KIF27: variants seen among roughly 807,000 people sequenced by gnomAD.
The protein encoded by KIF27 is kinesin-like protein KIF27.
A neutral mutation model predicts 141.8 loss-of-function variants in KIF27; 84 were observed. The observed-to-expected ratio is 0.59, with a 90% CI of 0.50 to 0.71. The LOEUF is 0.71. KIF27 is among the 30% of genes least tolerant of loss of function. KIF27 has a pLI of 0.00. For missense variants in KIF27, 1,306 were observed against 1,628.4 expected (o/e 0.80, Z 3.41); for synonymous variants, 471 against 569.5 (o/e 0.83, Z 2.46).
rs185699822 is a variant in KIF27 at position 83,836,387 on chromosome 9, T to A, written c.*614A>T. Reference sequence around the variant, plus strand: ...TTATATTGCATAATATTAGCAAACATAAAAGATAGCATTATAAATTTTTAA... The same window carrying A: ...TTATATTGCATAATATTAGCAAACAAAAAAGATAGCATTATAAATTTTTAA... On this transcript the variant is annotated 3_prime_UTR_variant, in exon 18 of 18. Transcript: ENST00000297814. Among the ~76,000 whole-genome samples the A allele has an allele frequency of 1.3e-5, 2 of 151,832 alleles. No homozygotes were observed. Among genetic ancestry groups the A allele is most frequent in the Non-Finnish European group, 2.9e-5 (2 of 68,020 alleles).
intron 17 of KIF27, 133 bp from the exon 18 acceptor site, chr9:83,837,618 A>C (rs1946038601): frequency 1.3e-6 from 1 of 795,298 alleles, no homozygotes; most frequent in African/African-American, 1.8e-5. Context: ...TTGTTAAATG[A>C]CTTATTTTAG....
chr9:83,869,748 T>C (rs1010712057), intron 12 of KIF27, among the ~76,000 whole-genome samples: 3 of 152,000 alleles, frequency 2.0e-5, no homozygotes, highest in African/African-American at 4.8e-5. Context: ...AATATACTCG[T>C]CTTCATGAGA....
At position 83,915,410 on chromosome 9, in the gene KIF27, T is replaced by C; in HGVS notation, c.182A>G (p.Tyr61Cys). 1 of 1,613,906 alleles carries C rather than the reference T, an allele frequency of 6.2e-7. No homozygotes were observed. The highest frequency in any genetic ancestry group is 8.5e-7 in the Non-Finnish European group (1 of 1,179,828). Residue 61 changes from tyrosine (Y) to cysteine (C), a missense_variant, in exon 2 of 18, where the codon TAT (tyrosine) becomes TGT (cysteine). Physicochemically the swap from Tyr to Cys is radical, Grantham distance 194. This residue lies in a region of KIF27 where 533 missense variants were observed against 565.6 expected (regional missense o/e 0.94). Transcript: ENST00000297814. Reference sequence around the variant, plus strand: ...CACTAGGGGCTTTATACATGTGTTATAAACTTCATCTTGAGTGGAATTTTT... The same window carrying C: ...CACTAGGGGCTTTATACATGTGTTACAAACTTCATCTTGAGTGGAATTTTT... ...FGKNSTQDEVYNTCIKPLVLS... is the reference protein window; with the variant it reads ...FGKNSTQDEVCNTCIKPLVLS...
intron 9 of KIF27, among the ~76,000 whole-genome samples, chr9:83,885,486 C>T (rs1053419244): frequency 3.3e-5 from 5 of 152,124 alleles, no homozygotes; most frequent in Non-Finnish European, 7.3e-5. Flanking sequence ...TGTGAACTGT[C>T]CTCTGACTCT....
chr9:83,848,806 T>A (rs1948182150), intron 16 of KIF27: 1 of 151,388 alleles, frequency 6.6e-6, no homozygotes, highest in Non-Finnish European at 1.5e-5. Flanking sequence ...TAGAAATGAA[T>A]GACTTTTTTA....
intron 1 of KIF27, among the ~76,000 whole-genome samples, chr9:83,917,639 G>A (rs1271539609): frequency 6.6e-6 from 1 of 152,136 alleles, no homozygotes; most frequent in East Asian, 1.9e-4. Context: ...TGAGAATCCA[G>A]AAATAAACCC....
chr9:83,837,681 A>C (rs1485021726), intron 17 of KIF27, 196 bp from the exon 18 acceptor site: 1 of 482,766 alleles, frequency 2.1e-6, no homozygotes, highest in Non-Finnish European at 3.6e-6. Context: ...GGCATCTTGC[A>C]TGTGAATAAC....
chr9:83,838,626 T>C (rs1359018094), intron 17 of KIF27: 2 of 152,236 alleles, frequency 1.3e-5, no homozygotes, highest in African/African-American at 2.4e-5. Flanking sequence ...GCTTGGCCTA[T>C]AATGTTAGTA....
At chr9:83,853,901 G>C in intron 14 of KIF27, 66 bp from the exon 15 acceptor site, 1 of 1,186,064 alleles carries the variant, frequency 8.4e-7, no homozygotes, top group East Asian at 2.4e-5. Context: ...CATATACTCA[G>C]ATCCTCCTAA....
intron 11 of KIF27, among the ~76,000 whole-genome samples, chr9:83,872,364 G>A (rs941522168): frequency 1.3e-5 from 2 of 152,054 alleles, no homozygotes; most frequent in African/African-American, 4.8e-5. Flanking sequence ...TGCCTTCTAG[G>A]GGTTTAGAAA....
At position 83,889,085 on chromosome 9, in the gene KIF27, T is replaced by C. The variant is rs758126112; in HGVS notation, c.1978A>G (p.Arg660Gly). The change falls in exon 7 of 18, where the codon AGA becomes GGA. Residue 660 changes from arginine to glycine, a missense_variant and splice_region_variant. This residue lies in a region of KIF27 where 596 missense variants were observed against 751.6 expected (regional missense o/e 0.79). Transcript: ENST00000297814. ...ESEGQEKSGT[R>G]CRSRSWIQKP... ...TAAATCAGTGTATATTTAACATACCTAGTTCCAGATTTCTCTTGGCCTTCT... is the reference window on the plus strand; with the variant it reads ...TAAATCAGTGTATATTTAACATACCCAGTTCCAGATTTCTCTTGGCCTTCT... 16 of 1,611,148 alleles carry C rather than the reference T, an allele frequency of 9.9e-6. No individual in the cohort carries two copies. In the Admixed American group the frequency reaches 1.2e-4, roughly 12 times the overall value.
intron 13 of KIF27, chr9:83,859,954 T>G (rs1949709330): frequency 6.6e-6 from 1 of 152,308 alleles, no homozygotes; most frequent in African/African-American, 2.4e-5. Flanking sequence ...ATTTTTCTTT[T>G]TCCTTATTTT....
At chr9:83,892,489 A>G (rs1952779117) in intron 5 of KIF27, among the ~76,000 whole-genome samples, 1 of 152,164 alleles carries the variant, frequency 6.6e-6, no homozygotes, top group African/African-American at 2.4e-5. Flanking sequence ...AAAAGAAAAA[A>G]TAACCAATGA....
In KIF27 at chr9:83,859,372, C is replaced by G; in HGVS notation, c.2935-1G>C. On this transcript the variant is annotated splice_acceptor_variant, in intron 13 of 17. Coordinates refer to ENST00000297814, the MANE Select transcript of KIF27 (RefSeq NM_017576.4). LOFTEE classifies it high-confidence loss of function. ...TTTTCAAACTATCTGTGTTTAAGGC[C>G]TAAAAGATACAACCCACCAGCCACC... 1 of 1,610,510 alleles carries G rather than the reference C, an allele frequency of 6.2e-7. No homozygotes were observed. Among genetic ancestry groups the G allele is most frequent in the Non-Finnish European group, 8.5e-7 (1 of 1,176,824 alleles).
At chr9:83,896,864 T>C (rs1953313180) in intron 5 of KIF27, among the ~76,000 whole-genome samples, 5 of 152,192 alleles carry the variant, frequency 3.3e-5, no homozygotes, top group Admixed American at 2.6e-4. Context: ...ATGTTTAGAA[T>C]AGGCAAATCC....
chr9:83,874,933 C>A (rs1357059990), intron 11 of KIF27, among the ~76,000 whole-genome samples: 998 of 90,804 alleles, frequency 0.011, no homozygotes, highest in Admixed American at 0.015. Context: ...GACCTTGTCT[C>A]AAAAAAAAAA....
At chr9:83,900,959 T>C (rs1350843198) in intron 4 of KIF27, among the ~76,000 whole-genome samples, 1 of 152,066 alleles carries the variant, frequency 6.6e-6, no homozygotes, top group Non-Finnish European at 1.5e-5. Context: ...CTATTATTTA[T>C]TTATTCATTT....
At chr9:83,912,999 A>G (rs1334470711) in intron 2 of KIF27, among the ~76,000 whole-genome samples, 3 of 151,626 alleles carry the variant, frequency 2.0e-5, no homozygotes, top group Admixed American at 6.6e-5. Flanking sequence ...TCTGCAAAAA[A>G]TTAAAAAAAA....
chr9:83,878,666 T>C (rs1171154020), intron 11 of KIF27, among the ~76,000 whole-genome samples: 2 of 152,186 alleles, frequency 1.3e-5, no homozygotes, highest in Non-Finnish European at 2.9e-5. Flanking sequence ...GGTAAAATAT[T>C]ATATAATTCT....
Sources: gnomAD v4.1 joint callset for allele counts (sites outside exome capture counted in the v4.1 genomes callset) on GRCh38, gnomAD v4.1.1 for gene constraint, gnomAD v4.1.1 regional missense constraint, MANE v1.5 for transcripts, NCBI Gene and HGNC (gene_info 2026-07-23, HGNC 2026-07-21) for gene names.